DNAJC1: variants seen among roughly 807,000 people sequenced by gnomAD.
The protein encoded by DNAJC1 is DnaJ heat shock protein family (Hsp40) member C1, also known as dnaJ homolog subfamily C member 1.
A neutral mutation model predicts 76.6 loss-of-function variants in DNAJC1; 58 were observed. The ratio of observed to expected loss-of-function variants is 0.76; its 90% confidence interval spans 0.61 to 0.94. The LOEUF (loss-of-function observed/expected upper bound fraction) is 0.94, where lower values mean the gene tolerates loss of function less well. Ranked by LOEUF, DNAJC1 falls within the 40% of genes least tolerant of loss-of-function variation. The pLI is 0.00. For synonymous variants in DNAJC1, 258 were observed against 267.9 expected (o/e 0.96, Z 0.36); for missense variants, 689 against 677.3 (o/e 1.02, Z -0.19).
chr10:21,779,323 A>G (rs543632216), intron 9 of DNAJC1, among the ~76,000 whole-genome samples: 2 of 152,208 alleles, frequency 1.3e-5, no homozygotes, highest in South Asian at 2.1e-4. Flanking sequence ...ACCCCCGAGT[A>G]GCCTGTCTGG....
chr10:21,928,792 C>T (rs1050582186), intron 2 of DNAJC1, among the ~76,000 whole-genome samples: 4 of 151,798 alleles, frequency 2.6e-5, no homozygotes, highest in Non-Finnish European at 4.4e-5. Context: ...TTAAAATGTG[C>T]ATTTAGAAGC....
chr10:21,828,950 T>A (rs1029666321), intron 8 of DNAJC1, among the ~76,000 whole-genome samples: 1 of 152,242 alleles, frequency 6.6e-6, no homozygotes, highest in Non-Finnish European at 1.5e-5. Context: ...ATTGTGTATA[T>A]TTTCTTGCCA....
At chr10:21,941,236 T>G (rs1590059204) in intron 1 of DNAJC1, among the ~76,000 whole-genome samples, 1 of 112,990 alleles carries the variant, frequency 8.9e-6, no homozygotes, top group Non-Finnish European at 1.6e-5. Context: ...GCCACTACAC[T>G]CCAGCCTGGG....
chr10:21,932,954 A>T (rs1273409036), intron 1 of DNAJC1, among the ~76,000 whole-genome samples: 1 of 152,224 alleles, frequency 6.6e-6, no homozygotes, highest in Admixed American at 6.5e-5. Flanking sequence ...CAATTGAGGC[A>T]AACAATGAAT....
Position 22,003,566 on chromosome 10 carries a change from C to A in DNAJC1, c.-132G>T. 8.8e-7 allele frequency: 1 copy of A among 1,131,618 alleles called. No homozygotes were observed. Among genetic ancestry groups the A allele is most frequent in the Non-Finnish European group, 1.1e-6 (1 of 887,206 alleles). 70.1% of individuals were successfully genotyped at this position (1,131,618 alleles called of 1,614,324 possible). On this transcript the variant is annotated 5_prime_UTR_variant, in exon 1 of 12. Coordinates refer to ENST00000376980, the MANE Select transcript of DNAJC1 (RefSeq NM_022365.4). ...CGGGCAGGCGCACCGGAGCGGCCCG[C>A]CAGGTGGCTGGCCCCAGACAGAGCG...
intron 8 of DNAJC1, among the ~76,000 whole-genome samples, chr10:21,863,544 A>G (rs1835950058): frequency 6.6e-6 from 1 of 152,116 alleles, no homozygotes; most frequent in Non-Finnish European, 1.5e-5. Context: ...ATAGACAAAA[A>G]TATTAAAATA....
Position 21,756,768 on chromosome 10 carries a change from A to G in DNAJC1, c.1597-13T>C. 1.2e-6 allele frequency: 2 copies of G among 1,611,914 alleles called. No individual in the cohort carries two copies. The highest frequency in any genetic ancestry group is 1.7e-6 in the Non-Finnish European group (2 of 1,179,740). Reference sequence around the variant, plus strand: ...CGATACAGTCTTCCTGTAGGAAGAAAAAAAGAGAGGTGAGAACAGTCACTT... The same window carrying G: ...CGATACAGTCTTCCTGTAGGAAGAAGAAAAGAGAGGTGAGAACAGTCACTT... On this transcript the variant is annotated splice_polypyrimidine_tract_variant and intron_variant, in intron 11 of 11. Transcript: ENST00000376980.
intron 8 of DNAJC1, among the ~76,000 whole-genome samples, chr10:21,835,912 G>T (rs886533547): frequency 1.3e-5 from 2 of 152,166 alleles, no homozygotes; most frequent in African/African-American, 4.8e-5. Flanking sequence ...GCAGGATACT[G>T]TCCAGGAGAA....
chr10:21,929,863 G>T (rs1461846155), intron 1 of DNAJC1, among the ~76,000 whole-genome samples: 1 of 152,088 alleles, frequency 6.6e-6, no homozygotes, highest in Non-Finnish European at 1.5e-5. Flanking sequence ...TAGATTAAGT[G>T]GATATTAAAA....
At chr10:21,935,184 G>A (rs1040859501) in intron 1 of DNAJC1, among the ~76,000 whole-genome samples, 1 of 152,030 alleles carries the variant, frequency 6.6e-6, no homozygotes, top group Non-Finnish European at 1.5e-5. Flanking sequence ...ACTAGGCAAA[G>A]ACTCTAAATC....
At chr10:21,916,698 G>A (rs1836961389) in intron 6 of DNAJC1, among the ~76,000 whole-genome samples, 1 of 151,994 alleles carries the variant, frequency 6.6e-6, no homozygotes, top group Non-Finnish European at 1.5e-5. Flanking sequence ...TCGTATTTAA[G>A]AAGATCTAAA....
chr10:21,886,499 T>TA (rs1457937378), intron 7 of DNAJC1, among the ~76,000 whole-genome samples: 1 of 152,132 alleles, frequency 6.6e-6, no homozygotes, highest in African/African-American at 2.4e-5. Flanking sequence ...ATCATCCTGA[T>TA]ACTAAAACCT....
At chr10:21,967,635 T>A (rs1205047652) in intron 1 of DNAJC1, among the ~76,000 whole-genome samples, 2 of 152,224 alleles carry the variant, frequency 1.3e-5, no homozygotes, top group East Asian at 3.8e-4. Context: ...AACAAAGAGA[T>A]CCTAAAATAC....
intron 8 of DNAJC1, among the ~76,000 whole-genome samples, chr10:21,830,195 A>G (rs1168874826): frequency 6.6e-6 from 1 of 152,186 alleles, no homozygotes; most frequent in Non-Finnish European, 1.5e-5. Flanking sequence ...CTGTTTTGTC[A>G]CAACTTTTTC....
intron 8 of DNAJC1, among the ~76,000 whole-genome samples, chr10:21,815,032 C>T (rs987688817): frequency 1.3e-5 from 2 of 152,158 alleles, no homozygotes; most frequent in African/African-American, 2.4e-5. Flanking sequence ...GCAAACTCCA[C>T]GACCTCAGCT....
intron 3 of DNAJC1, 82 bp from the exon 4 acceptor site, chr10:21,921,045 G>A: frequency 8.0e-7 from 1 of 1,243,906 alleles, no homozygotes; most frequent in East Asian, 2.5e-5. Context: ...TTACAAAAAG[G>A]AAAAAGAAAA....
chr10:21,839,515 T>C (rs1360133770), intron 8 of DNAJC1, among the ~76,000 whole-genome samples: 2 of 152,176 alleles, frequency 1.3e-5, no homozygotes, highest in African/African-American at 4.8e-5. Context: ...AATGGATAAA[T>C]TCCTTGACAC....
chr10:21,856,066 G>A (rs552125460), intron 8 of DNAJC1, among the ~76,000 whole-genome samples: 1 of 152,230 alleles, frequency 6.6e-6, no homozygotes, highest in African/African-American at 2.4e-5. Context: ...TAGTTACAGA[G>A]ACTGAGGGAT....
chr10:21,959,542 G>T (rs1371329999), intron 1 of DNAJC1, among the ~76,000 whole-genome samples: 1 of 151,994 alleles, frequency 6.6e-6, no homozygotes, highest in Non-Finnish European at 1.5e-5. Flanking sequence ...TGTGATCCCA[G>T]CACTTTGGGA....
Sources: gnomAD v4.1 joint callset for allele counts (sites outside exome capture counted in the v4.1 genomes callset) on GRCh38, gnomAD v4.1.1 for gene constraint, MANE v1.5 for transcripts, NCBI Gene and HGNC (gene_info 2026-07-23, HGNC 2026-07-21) for gene names.